PRKAG2: variants seen among roughly 807,000 people sequenced by gnomAD.
PRKAG2 encodes protein kinase AMP-activated non-catalytic subunit gamma 2, also known as 5'-AMP-activated protein kinase subunit gamma-2.
In PRKAG2, 26 loss-of-function variants were observed where a neutral mutation model predicts 69.6. The ratio of observed to expected loss-of-function variants is 0.37; its 90% CI spans 0.27 to 0.52. The LOEUF is 0.52. Ranked by LOEUF, PRKAG2 falls within the 20% of genes least tolerant of loss-of-function variation. PRKAG2 has a pLI of 0.90. For missense variants in PRKAG2, 557 were observed against 740.0 expected (o/e 0.75, Z 2.87); for synonymous variants, 293 against 285.0 (o/e 1.03, Z -0.28).
chr7:151,703,845 A>AACACACACACAC lies in PRKAG2; in HGVS notation c.467-28220_467-28209dup, dbSNP rs535818189. Among the ~76,000 whole-genome samples, 476 of 88,520 alleles carry AACACACACACAC rather than the reference A, an allele frequency of 5.4e-3. 12 individuals carry two copies. The highest frequency in any genetic ancestry group is 8.0e-3 in the East Asian group (23 of 2,866). The allele number at this position is 88,520 out of a possible 152,430, so 58.1% of individuals were successfully genotyped here. On this transcript the variant is annotated intron_variant, in intron 3 of 15. Transcript: ENST00000287878. ...TGGTGAAACCCTGTCTTTACTGGAA[A>AACACACACACAC]ACACACACACACACACACACACACA...
At chr7:151,729,547 GTCC>G (rs1215048154) in intron 3 of PRKAG2, among the ~76,000 whole-genome samples, 9 of 152,150 alleles carry the variant, frequency 5.9e-5, no homozygotes, top group Admixed American at 5.9e-4. Flanking sequence ...GGGCAGGCCA[GTCC>G]TTAGCCCATC....
chr7:151,767,700 A>G (rs1475696834), intron 3 of PRKAG2, among the ~76,000 whole-genome samples: 4 of 152,268 alleles, frequency 2.6e-5, no homozygotes, highest in Non-Finnish European at 5.9e-5. Context: ...ATATCAGTGC[A>G]TGTGAGTGAG....
chr7:151,562,738 C>G (rs539100926), intron 14 of PRKAG2, among the ~76,000 whole-genome samples: 1 of 151,972 alleles, frequency 6.6e-6, no homozygotes, highest in Non-Finnish European at 1.5e-5. Flanking sequence ...GAGGCCGAGG[C>G]GGGCAGATCA....
At chr7:151,674,679 C>A (rs935045932) in intron 4 of PRKAG2, among the ~76,000 whole-genome samples, 4 of 152,144 alleles carry the variant, frequency 2.6e-5, no homozygotes, top group African/African-American at 7.2e-5. Context: ...ATGAAATGCT[C>A]CCCTTCCAAA....
chr7:151,605,290 T>TACAG (rs2151187972), intron 5 of PRKAG2, among the ~76,000 whole-genome samples: 1 of 151,958 alleles, frequency 6.6e-6, no homozygotes, highest in South Asian at 2.1e-4. Flanking sequence ...GTGCTGGGAT[T>TACAG]ACAGGTGTGA....
In PRKAG2 at chr7:151,589,318, C is replaced by T. The variant is rs909778509; in HGVS notation, c.864+6027G>A. On this transcript the variant is annotated intron_variant, in intron 6 of 15. Coordinates refer to ENST00000287878, the MANE Select transcript of PRKAG2 (RefSeq NM_016203.4). ...ACATAAGCACCAGCTAGAAGGCACG[C>T]GCCAGGACCCCCTCTCCTCCACGAC... Among the ~76,000 whole-genome samples, 10 of 152,206 alleles carry T rather than the reference C, an allele frequency of 6.6e-5. No individual in the cohort carries two copies. In the East Asian group the frequency reaches 9.6e-4, roughly 15 times the overall value.
intron 3 of PRKAG2, among the ~76,000 whole-genome samples, chr7:151,712,828 T>C (rs1201541784): frequency 6.6e-6 from 1 of 152,230 alleles, no homozygotes; most frequent in Non-Finnish European, 1.5e-5. Context: ...TCGTGGAGAT[T>C]TACACAAAGC....
chr7:151,715,866 G>T (rs531349743), intron 3 of PRKAG2, among the ~76,000 whole-genome samples: 6 of 152,150 alleles, frequency 3.9e-5, no homozygotes, highest in Non-Finnish European at 8.8e-5. Context: ...CCTTGGTGCG[G>T]GACTCCACTC....
chr7:151,832,910 T>C (rs1253582770), intron 1 of PRKAG2, among the ~76,000 whole-genome samples: 1 of 152,156 alleles, frequency 6.6e-6, no homozygotes, highest in Non-Finnish European at 1.5e-5. Context: ...CGCTCCGGAC[T>C]AGCCTGGTGT....
At chr7:151,855,348 G>C (rs111163520) in intron 1 of PRKAG2, among the ~76,000 whole-genome samples, 96 of 1,304 alleles carry the variant, frequency 0.074, 3 homozygotes, top group East Asian at 0.1. Flanking sequence ...CACACACCAT[G>C]CTCCACACAC....
At chr7:151,559,990 G>C (rs1458420861) in intron 15 of PRKAG2, 3 of 985,392 alleles carry the variant, frequency 3.0e-6, no homozygotes, top group Non-Finnish European at 3.6e-6. Context: ...CTGAGACTCT[G>C]AAGGCTTGCT....
chr7:151,735,796 A>G, intron 3 of PRKAG2: 1 of 1,418,146 alleles, frequency 7.1e-7, no homozygotes, highest in Non-Finnish European at 9.5e-7. Flanking sequence ...CAGTTGGAAG[A>G]GAGTGGCTGG....
Position 151,624,149 on chromosome 7 carries a change from TG to T in PRKAG2, c.754+7919del, listed in dbSNP as rs1273270855. ...GGACAGAAGGCAGCGTGTGTGTGTG[TG>T]TGTGTGTGTGTGTGTGTACATATAT... On this transcript the variant is annotated intron_variant, in intron 5 of 15. Transcript: ENST00000287878. Among the ~76,000 whole-genome samples, 922 of 148,034 alleles carry T rather than the reference TG, an allele frequency of 6.2e-3. 13 individuals are homozygous for T. The highest frequency in any genetic ancestry group is 0.022 in the African/African-American group (857 of 39,816).
intron 3 of PRKAG2, chr7:151,735,963 T>C (rs1799726987): frequency 6.5e-7 from 1 of 1,536,274 alleles, no homozygotes; most frequent in African/African-American, 1.4e-5. Context: ...TTGTGTTTCT[T>C]GTTGCTCCTG....
At chr7:151,676,941 T>G (rs2151481734) in intron 3 of PRKAG2, among the ~76,000 whole-genome samples, 1 of 152,338 alleles carries the variant, frequency 6.6e-6, no homozygotes, top group Admixed American at 6.5e-5. Context: ...CGATGGGGAT[T>G]GCTGGCAAAC....
chr7:151,871,475 C>T (rs936895462), intron 1 of PRKAG2, among the ~76,000 whole-genome samples: 9 of 152,184 alleles, frequency 5.9e-5, no homozygotes, highest in South Asian at 2.1e-4. Flanking sequence ...CCATTGCATC[C>T]TCCCCCTCCT....
Position 151,874,489 on chromosome 7 carries a change from G to GATGTAT in PRKAG2, c.114+2012_114+2017dup, listed in dbSNP as rs1171791872. Among the ~76,000 whole-genome samples the GATGTAT allele has an allele frequency of 2.6e-5, 2 of 76,220 alleles. 1 individual carries two copies. Among genetic ancestry groups the GATGTAT allele is most frequent in the Non-Finnish European group, 5.1e-5 (2 of 39,544 alleles). 50.0% of individuals were successfully genotyped at this position (76,220 alleles called of 152,430 possible). The stretch of plus-strand genomic sequence containing the variant: ...ATATGTATATGATGTATATGTATAT[G>GATGTAT]ATGTATATGTATATGATGTATATGT... On this transcript the variant is annotated intron_variant, in intron 1 of 15. Transcript: ENST00000287878.
At chr7:151,869,525 A>G (rs754177791) in intron 1 of PRKAG2, among the ~76,000 whole-genome samples, 1 of 152,218 alleles carries the variant, frequency 6.6e-6, no homozygotes, top group African/African-American at 2.4e-5. Flanking sequence ...TGACTCCCGC[A>G]AGGCACTGAG....
At position 151,649,422 on chromosome 7, in the gene PRKAG2, GGCCAAGACT is replaced by G. The variant is rs532175008; in HGVS notation, c.685-17293_685-17285del. Among the ~76,000 whole-genome samples the G allele has an allele frequency of 7.1e-4, 108 of 152,278 alleles. 3 individuals are homozygous for G. The South Asian group carries it at 0.022, about 30-fold the overall frequency. On this transcript the variant is annotated intron_variant, in intron 4 of 15. Transcript: ENST00000287878. ...ATTACAGGTGTGAACCACCGTGCCTGGCCAAGACTGCATTTTTAAGTTGCAAGTAATATG... is the reference window on the plus strand; with the variant it reads ...ATTACAGGTGTGAACCACCGTGCCTGGCATTTTTAAGTTGCAAGTAATATG...
Sources: gnomAD v4.1 joint callset for allele counts (sites outside exome capture counted in the v4.1 genomes callset) on GRCh38, gnomAD v4.1.1 for gene constraint, MANE v1.5 for transcripts, NCBI Gene and HGNC (gene_info 2026-07-23, HGNC 2026-07-21) for gene names.